PARVB: variants seen among roughly 807,000 people sequenced by gnomAD.
The protein encoded by PARVB is beta-parvin.
In PARVB, 46 loss-of-function variants were observed where a neutral mutation model predicts 47.0. That is an observed-to-expected ratio of 0.98 (90% confidence interval 0.77 to 1.25). The LOEUF (loss-of-function observed/expected upper bound fraction) is 1.25, where lower values mean the gene tolerates loss of function less well. PARVB is among the 50% of genes most tolerant of loss of function. The pLI is 0.00. For missense variants in PARVB, 473 were observed against 471.6 expected (o/e 1.00, Z -0.03); for synonymous variants, 196 against 196.3 (o/e 1.00, Z 0.01).
intron 2 of PARVB, among the ~76,000 whole-genome samples, chr22:44,099,846 T>C (rs1316281735): frequency 6.6e-6 from 1 of 152,074 alleles, no homozygotes; most frequent in African/African-American, 2.4e-5. Context: ...GGCAGAATGA[T>C]GAGTTTGACT....
chr22:44,137,889 G>T (rs1004659504), intron 7 of PARVB, among the ~76,000 whole-genome samples: 1 of 152,164 alleles, frequency 6.6e-6, no homozygotes, highest in Non-Finnish European at 1.5e-5. Context: ...GGATCAAGGT[G>T]CAGGAAACAG....
At position 44,040,460 on chromosome 22, in the gene PARVB, G is replaced by T. The variant is rs1031143772; in HGVS notation, c.112+16009G>T. ...GATGGAATTAGCCTGGGTTATTTGGGTGGGCCCAGCGTGATTACCAGGGTC... is the reference window on the plus strand; with the variant it reads ...GATGGAATTAGCCTGGGTTATTTGGTTGGGCCCAGCGTGATTACCAGGGTC... On this transcript the variant is annotated intron_variant, in intron 1 of 12. Transcript: ENST00000338758. Among the ~76,000 whole-genome samples, 5 of 152,122 alleles carry T rather than the reference G, an allele frequency of 3.3e-5. No homozygotes were observed. The East Asian group carries it at 7.7e-4, about 23-fold the overall frequency.
intron 1 of PARVB, among the ~76,000 whole-genome samples, chr22:44,034,792 C>A (rs1224897618): frequency 6.7e-6 from 1 of 149,850 alleles, no homozygotes; most frequent in East Asian, 2.0e-4. Context: ...CTCACTGCAA[C>A]CCCTGCCTCC....
intron 1 of PARVB, among the ~76,000 whole-genome samples, chr22:44,074,860 C>A (rs971372565): frequency 5.9e-5 from 9 of 152,100 alleles, no homozygotes; most frequent in African/African-American, 2.2e-4. Context: ...CCCTCCACCC[C>A]ACCTCATGTC....
At chr22:44,012,025 A>C (rs1192698543) in intron 2 of PARVB, among the ~76,000 whole-genome samples, 2 of 152,226 alleles carry the variant, frequency 1.3e-5, no homozygotes, top group Admixed American at 1.3e-4. Flanking sequence ...CACCCACCTA[A>C]GAGGTCCTGG....
At chr22:44,166,772 T>TG (rs1569167938) in intron 12 of PARVB, among the ~76,000 whole-genome samples, 1 of 152,270 alleles carries the variant, frequency 6.6e-6, no homozygotes, top group Non-Finnish European at 1.5e-5. Context: ...GGGTCCCTGC[T>TG]GGGCCTCTTT....
chr22:44,052,351 C>T (rs1214575354), intron 1 of PARVB, among the ~76,000 whole-genome samples: 2 of 152,236 alleles, frequency 1.3e-5, no homozygotes, highest in Admixed American at 6.5e-5. Context: ...TCGACAGCAC[C>T]GGGAGAAAGA....
rs763772939 is a variant in PARVB at position 43,999,320 on chromosome 22, G to C, written c.-21G>C. The C allele has an allele frequency of 1.9e-6, 3 of 1,563,152 alleles. No homozygotes were observed. The African/African-American group carries it at 4.1e-5, about 21-fold the overall frequency. On this transcript the variant is annotated 5_prime_UTR_variant, in exon 1 of 14. Coordinates refer to the PARVB transcript ENST00000406477. ...TTAAAGACCAGATAAATTTACCTTT[G>C]GGACAGTTAGATGTGCACAAATGCA...
intron 1 of PARVB, among the ~76,000 whole-genome samples, chr22:44,031,828 AT>A (rs1375573770): frequency 1.3e-5 from 2 of 152,106 alleles, no homozygotes; most frequent in East Asian, 3.9e-4. Flanking sequence ...GCTCCGTTGG[AT>A]TGATTCCTCC....
chr22:44,066,789 C>CCTCCTCCTCCTCCTCCTCCTCCTCCTT (rs2051535532), intron 1 of PARVB, among the ~76,000 whole-genome samples: 3 of 140,466 alleles, frequency 2.1e-5, no homozygotes, highest in African/African-American at 8.1e-5. Context: ...TTCTCCTCCT[C>CCTCCTCCTCCTCCTCCTCCTCCTCCTT]CTCCTCCTCC....
chr22:44,030,930 T>C (rs1033417858), intron 1 of PARVB, among the ~76,000 whole-genome samples: 1 of 151,020 alleles, frequency 6.6e-6, no homozygotes, highest in Non-Finnish European at 1.5e-5. Context: ...AAAGGGGGAG[T>C]GGCTGGTCCG....
chr22:44,108,279 G>A (rs1451646355), intron 3 of PARVB: 1 of 152,200 alleles, frequency 6.6e-6, no homozygotes, highest in East Asian at 1.9e-4. Flanking sequence ...TGAGGTGAGG[G>A]CCCTGATTTG....
intron 8 of PARVB, chr22:44,142,169 A>G (rs2053564262): frequency 6.6e-6 from 1 of 152,050 alleles, no homozygotes. Context: ...TGAGGTCATG[A>G]GATCGAGACC....
chr22:44,128,064 T>G (rs1246721510), intron 4 of PARVB, among the ~76,000 whole-genome samples: 1 of 152,182 alleles, frequency 6.6e-6, no homozygotes, highest in Non-Finnish European at 1.5e-5. Context: ...ATCACAGGGA[T>G]GAGCCACTAC....
chr22:44,071,102 G>A (rs1425474859), intron 1 of PARVB, among the ~76,000 whole-genome samples: 2 of 152,142 alleles, frequency 1.3e-5, no homozygotes, highest in Non-Finnish European at 2.9e-5. Context: ...GCCAGTGTGG[G>A]GTGTGGGGGA....
chr22:44,039,228 T>C (rs2050974989), intron 1 of PARVB, among the ~76,000 whole-genome samples: 1 of 152,160 alleles, frequency 6.6e-6, no homozygotes, highest in South Asian at 2.1e-4. Context: ...GCAATTCCAG[T>C]AAATCTTAGA....
intron 12 of PARVB, among the ~76,000 whole-genome samples, chr22:44,166,343 C>T (rs1437898182): frequency 2.0e-5 from 3 of 152,356 alleles, no homozygotes; most frequent in Admixed American, 2.0e-4. Context: ...CTCCTGACCT[C>T]AGGTGATCCA....
At chr22:44,164,086 C>G (rs930506755) in intron 12 of PARVB, among the ~76,000 whole-genome samples, 156 bp downstream of exon 12, 4 of 152,252 alleles carry the variant, frequency 2.6e-5, no homozygotes, top group Non-Finnish European at 5.9e-5. Flanking sequence ...GCTCCTCAGT[C>G]TCCTCATTTT....
rs2053323243 is a variant in PARVB at position 44,131,611 on chromosome 22, C to A, written c.501C>A (p.Leu167=). ...TGCTGCGGCCCCGAGGCTGGGCGCT[C>A]CGGTGGAGCGTGGACTGTGAGTTCC... ...HDLLRPRGWA[L]RWSVDSIHGK... Residue 167 remains leucine, a synonymous_variant, in exon 5 of 13, where the codon CTC becomes CTA. Transcript: ENST00000338758. 1 of 1,613,552 alleles carries A rather than the reference C, an allele frequency of 6.2e-7. No homozygotes were observed. The highest frequency in any genetic ancestry group is 8.5e-7 in the Non-Finnish European group (1 of 1,179,838).
Sources: gnomAD v4.1 joint callset for allele counts (sites outside exome capture counted in the v4.1 genomes callset) on GRCh38, gnomAD v4.1.1 for gene constraint, MANE v1.5 for transcripts, NCBI Gene and HGNC (gene_info 2026-07-23, HGNC 2026-07-21) for gene names.